NIPBL: variants seen among roughly 807,000 people sequenced by gnomAD.
The protein encoded by NIPBL is NIPBL cohesin loading factor.
In NIPBL, 19 loss-of-function variants were observed where a neutral mutation model predicts 321.8. That is an observed-to-expected ratio of 0.06 (90% CI 0.04 to 0.09). The LOEUF is 0.09. NIPBL is among the 10% of genes least tolerant of loss of function. NIPBL has a pLI of 1.00. For missense variants in NIPBL, 2,210 were observed against 3,327.0 expected, an observed-to-expected ratio of 0.66 and a Z score of 8.26; for synonymous variants, 1,106 against 1,114.1, an observed-to-expected ratio of 0.99 and a Z score of 0.14.
chr5:36,908,068 G>C (rs1382874480), intron 1 of NIPBL, among the ~76,000 whole-genome samples: 2 of 152,156 alleles, frequency 1.3e-5, no homozygotes, highest in Non-Finnish European at 2.9e-5. Context: ...GTAGTAGTAT[G>C]CATCCTTTTG....
At chr5:36,932,790 T>TG (rs1350557995) in intron 1 of NIPBL, among the ~76,000 whole-genome samples, 13 of 149,068 alleles carry the variant, frequency 8.7e-5, no homozygotes, top group Middle Eastern at 3.4e-3. Context: ...TTTTTTTTTT[T>TG]TTTTTTTTTT....
At chr5:36,890,393 TC>T (rs1362758001) in intron 1 of NIPBL, among the ~76,000 whole-genome samples, 18 of 152,362 alleles carry the variant, frequency 1.2e-4, no homozygotes, top group Admixed American at 3.9e-4. Context: ...TCTGCTATAA[TC>T]TTTATTTTCA....
chr5:37,010,122 A>G lies in NIPBL; in HGVS notation c.4457A>G (p.Tyr1486Cys). 6.2e-7 allele frequency: 1 copy of G among 1,612,684 alleles called. No homozygotes were observed. The highest frequency in any genetic ancestry group is 8.5e-7 in the Non-Finnish European group (1 of 1,178,844). Reference sequence around the variant, plus strand: ...AGTGATATGGATGGAGAACCTATGTATATTCAGATGGTTACAGCACTGGTT... The same window carrying G: ...AGTGATATGGATGGAGAACCTATGTGTATTCAGATGGTTACAGCACTGGTT... ...NSSDMDGEPMYIQMVTALVLQ... is the reference protein window; with the variant it reads ...NSSDMDGEPMCIQMVTALVLQ... The change falls in exon 21 of 47, where the codon TAT (tyrosine) becomes TGT (cysteine). Residue 1486 changes from tyrosine (Y) to cysteine (C), a missense_variant. This residue lies in a region of NIPBL where 381 missense variants were observed against 642.3 expected (regional missense o/e 0.59). Transcript: ENST00000282516.
At chr5:36,958,039 TATG>T (rs1372819539) in intron 3 of NIPBL, 62 bp from the exon 4 acceptor site, 3 of 1,533,458 alleles carry the variant, frequency 2.0e-6, no homozygotes, top group Non-Finnish European at 1.8e-6. Flanking sequence ...TTTACTTTTA[TATG>T]ATAAGTCTTC....
intron 43 of NIPBL, among the ~76,000 whole-genome samples, chr5:37,058,530 A>G (rs55739939): frequency 0.017 from 2,665 of 152,332 alleles, 33 homozygotes; most frequent in Middle Eastern, 0.044. Flanking sequence ...AGATTACTTT[A>G]TTCTCCTCAG....
At chr5:36,917,093 C>T (rs965888408) in intron 1 of NIPBL, among the ~76,000 whole-genome samples, 1 of 152,168 alleles carries the variant, frequency 6.6e-6, no homozygotes, top group African/African-American at 2.4e-5. Context: ...TCCACAATGA[C>T]TGAACTAGTT....
chr5:37,042,899 GCACA>G lies in NIPBL; in HGVS notation c.6109-1427_6109-1424del, dbSNP rs70976273. Among the ~76,000 whole-genome samples, 1,340 of 144,868 alleles carry G rather than the reference GCACA, an allele frequency of 9.2e-3. 18 individuals carry two copies. Among genetic ancestry groups the G allele is most frequent in the African/African-American group, 0.031 (1,261 of 40,060 alleles). On this transcript the variant is annotated intron_variant, in intron 34 of 46. Transcript: ENST00000282516. Reference sequence around the variant, plus strand: ...TGAAAGCCTTACTACACACACGCGCGCACACACACACACACACACACACATATAA... The same window carrying G: ...TGAAAGCCTTACTACACACACGCGCGCACACACACACACACACACATATAA...
chr5:37,022,919 A>G (rs938143268), intron 29 of NIPBL, among the ~76,000 whole-genome samples: 1 of 152,218 alleles, frequency 6.6e-6, no homozygotes, highest in African/African-American at 2.4e-5. Context: ...GGTTCTACAT[A>G]CATCATGGAA....
Position 36,927,562 on chromosome 5 carries a change from G to A in NIPBL, c.-79-26056G>A, listed in dbSNP as rs1749457037. On this transcript the variant is annotated intron_variant, in intron 1 of 46. Coordinates refer to ENST00000282516, the MANE Select transcript of NIPBL (RefSeq NM_133433.4). ...ATATATTTTGAAGGTAGAGACTCAC[G>A]ATCCAAAAGTTGTGTAAAAAAGATA... 2.0e-5 allele frequency among the ~76,000 whole-genome samples: 3 copies of A among 152,096 alleles called. No individual in the cohort carries two copies. The South Asian group carries it at 6.2e-4, about 31-fold the overall frequency.
At position 37,064,568 on chromosome 5, in the gene NIPBL, G is replaced by A. The variant is rs1755204220; in HGVS notation, c.8091G>A (p.Leu2697=). 1 of 1,613,930 alleles carries A rather than the reference G, an allele frequency of 6.2e-7. No homozygotes were observed. The highest frequency in any genetic ancestry group is 1.3e-5 in the African/African-American group (1 of 74,898). ...RSKRNSDSTE[L]AAQMNESVDV... is the part of the protein sequence containing the mutation. ...AACGAAATTCAGACTCTACGGAGTTGGCAGCACAGATGAATGAAAGTGTTG... is the reference window on the plus strand; with the variant it reads ...AACGAAATTCAGACTCTACGGAGTTAGCAGCACAGATGAATGAAAGTGTTG... Residue 2697 remains leucine, a synonymous_variant, in exon 47 of 47, where the codon TTG becomes TTA. Transcript: ENST00000282516.
Position 37,065,896 on chromosome 5 carries a change from C to A in NIPBL, c.*1004C>A, listed in dbSNP as rs563739263. On this transcript the variant is annotated 3_prime_UTR_variant, in exon 47 of 47. Coordinates refer to ENST00000282516, the MANE Select transcript of NIPBL (RefSeq NM_133433.4). ...TTCTTTAAACCTCGGGTAAAGGTAA[C>A]CTGTTATTTGGAAAACCAGCATTTC... is the stretch of plus-strand genomic sequence containing the variant. The A allele has an allele frequency of 7.9e-5, 12 of 152,564 alleles. No individual in the cohort carries two copies. Among genetic ancestry groups the A allele is most frequent in the Admixed American group, 7.9e-4 (12 of 15,284 alleles). 9.5% of individuals were successfully genotyped at this position (152,564 alleles called of 1,614,324 possible).
intron 1 of NIPBL, among the ~76,000 whole-genome samples, chr5:36,952,733 AC>A (rs759431378): frequency 6.6e-6 from 1 of 152,226 alleles, no homozygotes; most frequent in Non-Finnish European, 1.5e-5. Context: ...AAATGTTAAC[AC>A]GTCTTTGTCC....
chr5:37,057,413 C>A (rs1015270159), intron 43 of NIPBL, 81 bp downstream of exon 43: 13 of 1,316,010 alleles, frequency 9.9e-6, no homozygotes, highest in African/African-American at 8.7e-5. Flanking sequence ...TCTCATTATT[C>A]TTTTTATCCT....
At chr5:37,009,509 G>A (rs1334810091) in intron 20 of NIPBL, among the ~76,000 whole-genome samples, 1 of 151,958 alleles carries the variant, frequency 6.6e-6, no homozygotes, top group Non-Finnish European at 1.5e-5. Flanking sequence ...ATCATTTTTT[G>A]GACTAATTGT....
At chr5:36,932,778 GTTTTTT>G (rs35264312) in intron 1 of NIPBL, among the ~76,000 whole-genome samples, 1 of 69,864 alleles carries the variant, frequency 1.4e-5, no homozygotes, top group African/African-American at 6.1e-5. Context: ...TTCCTCTGCT[GTTTTTT>G]TTTTTTTTTT....
Position 37,022,355 on chromosome 5 carries a change from G to A in NIPBL, c.5539G>A (p.Glu1847Lys). ...TGTCCTTTGTCGACCTCAGCTTGCT[G>A]AACAGTATTATGATATGCTGATTGA... ...RFVLCRPQLA[E>K]QYYDMLIERI... Residue 1847 changes from glutamate to lysine, a missense_variant, in exon 29 of 47, where the codon GAA (glutamate) becomes AAA (lysine). Physicochemically the swap from Glu to Lys is moderately conservative, Grantham distance 56 (BLOSUM62 1). This residue lies in a region of NIPBL where 49 missense variants were observed against 163.6 expected (regional missense o/e 0.30). Transcript: ENST00000282516. 1 of 1,613,814 alleles carries A rather than the reference G, an allele frequency of 6.2e-7. No individual in the cohort carries two copies. Among genetic ancestry groups the A allele is most frequent in the South Asian group, 1.1e-5 (1 of 91,022 alleles).
At position 36,985,068 on chromosome 5, in the gene NIPBL, TTGG is replaced by T. The variant is rs1744593152; in HGVS notation, c.1892_1894del (p.Val631del). The T allele has an allele frequency of 6.2e-7, 1 of 1,613,544 alleles. No individual in the cohort carries two copies. Among genetic ancestry groups the T allele is most frequent in the Admixed American group, 1.7e-5 (1 of 59,832 alleles). ...AGAATCTAAACCAAATGAAAACCGA[TTGG>T]TGGAGACAAAATCAAGTGAAAATAA... On this transcript the variant is annotated inframe_deletion, in exon 10 of 47. Transcript: ENST00000282516.
chr5:36,960,510 C>T (rs1264898894), intron 4 of NIPBL, among the ~76,000 whole-genome samples: 3 of 152,122 alleles, frequency 2.0e-5, no homozygotes, highest in Non-Finnish European at 2.9e-5. Flanking sequence ...TAAGAAAACA[C>T]CCTTCAATGG....
At chr5:37,024,081 C>T (rs1749979292) in intron 29 of NIPBL, among the ~76,000 whole-genome samples, 1 of 151,868 alleles carries the variant, frequency 6.6e-6, no homozygotes, top group Non-Finnish European at 1.5e-5. Flanking sequence ...AGGAGAATCG[C>T]TTGAGCCTGG....
Sources: allele counts gnomAD v4.1 joint callset (sites outside exome capture counted in the v4.1 genomes callset), GRCh38; gene constraint gnomAD v4.1.1; regional missense constraint gnomAD v4.1.1; transcripts MANE v1.5; gene names NCBI Gene and HGNC (gene_info 2026-07-23, HGNC 2026-07-21).